The following JAKMIP2 variants were observed in gnomAD, a reference collection of about 807,000 sequenced individuals.
JAKMIP2 encodes the protein janus kinase and microtubule interacting protein 2, also known as janus kinase and microtubule-interacting protein 2.
JAKMIP2 carries 25 observed loss-of-function variants against 115.0 expected under a neutral mutation model. The ratio of observed to expected loss-of-function variants is 0.22; its 90% CI spans 0.16 to 0.30. JAKMIP2 has a LOEUF of 0.30. Ranked by LOEUF, JAKMIP2 falls within the 10% of genes least tolerant of loss-of-function variation. The probability of loss-of-function intolerance (pLI) is 1.00; values close to 1 mark genes in which losing one functional copy is unlikely to be tolerated. For synonymous variants in JAKMIP2, 334 were observed against 343.6 expected (o/e 0.97, Z 0.31); for missense variants, 642 against 957.6 (o/e 0.67, Z 4.35).
chr5:147,611,788 C>T (rs761556055), intron 20 of JAKMIP2, among the ~76,000 whole-genome samples: 7 of 152,134 alleles, frequency 4.6e-5, no homozygotes, highest in Non-Finnish European at 1.0e-4. Flanking sequence ...TGTTATATCC[C>T]TCAAAAACAC....
At chr5:147,690,195 A>G (rs1342030365) in intron 1 of JAKMIP2, among the ~76,000 whole-genome samples, 2 of 151,992 alleles carry the variant, frequency 1.3e-5, no homozygotes, top group African/African-American at 2.4e-5. Flanking sequence ...ACAAACAAAC[A>G]AACAAACAAA....
At chr5:147,655,017 A>T (rs1236545436) in intron 3 of JAKMIP2, among the ~76,000 whole-genome samples, 1 of 152,184 alleles carries the variant, frequency 6.6e-6, no homozygotes, top group African/African-American at 2.4e-5. Flanking sequence ...ATTGATTTGC[A>T]TACATTGAAC....
At chr5:147,714,872 C>A (rs1050490963) in intron 1 of JAKMIP2, among the ~76,000 whole-genome samples, 44 of 151,862 alleles carry the variant, frequency 2.9e-4, no homozygotes, top group African/African-American at 1.0e-3. Flanking sequence ...TTTAGATGCA[C>A]ACTGAAGAAA....
At chr5:147,712,840 T>C (rs1236931865) in intron 1 of JAKMIP2, among the ~76,000 whole-genome samples, 1 of 152,206 alleles carries the variant, frequency 6.6e-6, no homozygotes, top group Non-Finnish European at 1.5e-5. Context: ...AACACAGACG[T>C]TTCTCTTCCT....
chr5:147,647,392 T>C (rs926237192), intron 5 of JAKMIP2, among the ~76,000 whole-genome samples: 5 of 152,170 alleles, frequency 3.3e-5, no homozygotes, highest in South Asian at 2.1e-4. Flanking sequence ...ATAACTCTTA[T>C]ATGAATAGCT....
chr5:147,636,209 G>A lies in JAKMIP2; in HGVS notation c.1677+13C>T, dbSNP rs780588012. 34 of 1,609,278 alleles carry A rather than the reference G, an allele frequency of 2.1e-5. 2 individuals are homozygous for A. In the South Asian group the frequency reaches 2.4e-4, roughly 11 times the overall value. ...TTCTCCTCTGCCCCGCTAGGGTGTT[G>A]TGCCCAACATACCTTTTCTAAAAGC... On this transcript the variant is annotated intron_variant, in intron 12 of 21. Coordinates refer to ENST00000616793, the MANE Select transcript of JAKMIP2 (RefSeq NM_001270941.2).
At chr5:147,680,203 C>G (rs1209539666) in intron 1 of JAKMIP2, among the ~76,000 whole-genome samples, 2 of 151,636 alleles carry the variant, frequency 1.3e-5, no homozygotes, top group Non-Finnish European at 2.9e-5. Flanking sequence ...TAACTATCCA[C>G]TAAACATCAT....
intron 1 of JAKMIP2, among the ~76,000 whole-genome samples, chr5:147,687,726 A>G (rs1393589276): frequency 6.6e-6 from 1 of 152,172 alleles, no homozygotes; most frequent in African/African-American, 2.4e-5. Flanking sequence ...TTGGGAGAAG[A>G]CAATTCTATT....
chr5:147,747,222 C>T (rs1039955759), intron 1 of JAKMIP2, among the ~76,000 whole-genome samples: 7 of 152,114 alleles, frequency 4.6e-5, no homozygotes, highest in Non-Finnish European at 4.4e-5. Flanking sequence ...TTCCACTGAG[C>T]TTGGCCAGGC....
chr5:147,778,543 A>G (rs1434440001), intron 1 of JAKMIP2, among the ~76,000 whole-genome samples: 1 of 152,094 alleles, frequency 6.6e-6, no homozygotes, highest in African/African-American at 2.4e-5. Context: ...CCAGCCTGTT[A>G]CACCACTCAC....
At chr5:147,622,602 AAAT>A (rs1756904537) in intron 17 of JAKMIP2, among the ~76,000 whole-genome samples, 1 of 152,240 alleles carries the variant, frequency 6.6e-6, no homozygotes, top group African/African-American at 2.4e-5. Context: ...TTTGAAGGCT[AAAT>A]AATATTCCAT....
chr5:147,669,950 C>G (rs1440525537), intron 2 of JAKMIP2, among the ~76,000 whole-genome samples: 1 of 152,172 alleles, frequency 6.6e-6, no homozygotes, highest in Non-Finnish European at 1.5e-5. Flanking sequence ...TGATGCTTGA[C>G]AAGCACAAAT....
chr5:147,748,555 C>A (rs1193884396), intron 1 of JAKMIP2, among the ~76,000 whole-genome samples: 1 of 151,668 alleles, frequency 6.6e-6, no homozygotes, highest in African/African-American at 2.4e-5. Flanking sequence ...GAAGTTTGCA[C>A]AGATGAATAC....
At chr5:147,710,962 T>C (rs1312422504) in intron 1 of JAKMIP2, among the ~76,000 whole-genome samples, 4 of 152,234 alleles carry the variant, frequency 2.6e-5, no homozygotes, top group Non-Finnish European at 5.9e-5. Flanking sequence ...CTTTCTACTA[T>C]TTCCTATTTA....
In JAKMIP2 at chr5:147,635,399, A is replaced by C. The variant is rs562591904; in HGVS notation, c.1677+823T>G. 2.0e-5 allele frequency among the ~76,000 whole-genome samples: 3 copies of C among 151,764 alleles called. No homozygotes were observed. In the South Asian group the frequency reaches 6.2e-4, roughly 31 times the overall value. ...ATGTTTTAAAAACAGTATTCATCTA[A>C]AAAAAATCTTTCATTAAAAAAAAAA... is the stretch of plus-strand genomic sequence containing the variant. On this transcript the variant is annotated intron_variant, in intron 12 of 21. Coordinates refer to ENST00000616793, the MANE Select transcript of JAKMIP2 (RefSeq NM_001270941.2).
Position 147,644,886 on chromosome 5 carries a change from T to C in JAKMIP2, c.1047A>G (p.Glu349=). Residue 349 remains glutamate, a synonymous_variant, in exon 6 of 22, where the codon GAA becomes GAG. Coordinates refer to ENST00000616793, the MANE Select transcript of JAKMIP2 (RefSeq NM_001270941.2). Reference sequence around the variant, plus strand: ...TTTCCTTGGTAACGGCTTTTAGTTTTTCTTCCATGCGCTGCAAGGACACCA... The same window carrying C: ...TTTCCTTGGTAACGGCTTTTAGTTTCTCTTCCATGCGCTGCAAGGACACCA... ...ELMVSLQRME[E]KLKAVTKENS... The C allele has an allele frequency of 6.2e-7, 1 of 1,613,860 alleles. No individual in the cohort carries two copies. Among genetic ancestry groups the C allele is most frequent in the Non-Finnish European group, 8.5e-7 (1 of 1,179,902 alleles).
At chr5:147,695,579 C>A (rs1156398422) in intron 1 of JAKMIP2, among the ~76,000 whole-genome samples, 2 of 152,024 alleles carry the variant, frequency 1.3e-5, no homozygotes, top group African/African-American at 4.8e-5. Context: ...ATATGTTCTT[C>A]CATAGCTTCT....
intron 1 of JAKMIP2, among the ~76,000 whole-genome samples, chr5:147,744,116 T>C (rs1754265349): frequency 6.6e-6 from 1 of 151,846 alleles, no homozygotes; most frequent in African/African-American, 2.4e-5. Context: ...ATTTGTTTCT[T>C]AGGGCAAAAA....
intron 1 of JAKMIP2, among the ~76,000 whole-genome samples, chr5:147,716,794 T>C (rs1295970583): frequency 6.7e-6 from 1 of 148,200 alleles, no homozygotes; most frequent in Non-Finnish European, 1.5e-5. Flanking sequence ...ATTTTGTAGG[T>C]TGCCTGTTCA....
Sources: gnomAD v4.1 joint callset for allele counts (sites outside exome capture counted in the v4.1 genomes callset) on GRCh38, gnomAD v4.1.1 for gene constraint, MANE v1.5 for transcripts, NCBI Gene and HGNC (gene_info 2026-07-23, HGNC 2026-07-21) for gene names.